Variants in GALNT14 observed in about 807,000 individuals in gnomAD.
GALNT14 encodes UDP-GalNAc:polypeptide N-acetylgalactosaminyltransferase 14.
GALNT14 carries 60 observed loss-of-function variants against 77.5 expected under a neutral mutation model. The ratio of observed to expected loss-of-function variants is 0.77; its 90% CI spans 0.63 to 0.96. GALNT14 has a LOEUF of 0.96. Among genes scored for constraint, GALNT14 ranks in the 40% least tolerant of loss-of-function variants. GALNT14 has a pLI of 0.00. For missense variants in GALNT14, 710 were observed against 731.0 expected, an observed-to-expected ratio of 0.97 and a Z score of 0.33; for synonymous variants, 280 against 281.7, an observed-to-expected ratio of 0.99 and a Z score of 0.06.
chr2:31,007,360 G>A (rs1425552412), intron 1 of GALNT14, among the ~76,000 whole-genome samples: 4 of 152,180 alleles, frequency 2.6e-5, no homozygotes, highest in Non-Finnish European at 5.9e-5. Flanking sequence ...GATTTATGAT[G>A]CACTTGCTTA....
chr2:31,138,013 CAGA>C lies in GALNT14; in HGVS notation c.71_73del (p.Phe24del), dbSNP rs1453837713. 1.2e-6 allele frequency: 2 copies of C among 1,613,714 alleles called. No individual in the cohort carries two copies. The highest frequency in any genetic ancestry group is 1.3e-5 in the African/African-American group (1 of 74,922). On this transcript the variant is annotated inframe_deletion, in exon 1 of 15. Transcript: ENST00000349752. ...CACCTCCAACTTCCTCTTGGTTACC[CAGA>C]AGAACAGCAGCACCGTGATCCAGAG...
Position 31,124,188 on chromosome 2 carries a change from A to G in GALNT14, c.129+13770T>C, listed in dbSNP as rs546336935. 2.7e-3 allele frequency among the ~76,000 whole-genome samples: 412 copies of G among 152,074 alleles called. 1 individual carries two copies. The highest frequency in any genetic ancestry group is 4.0e-3 in the Non-Finnish European group (272 of 68,022). Reference sequence around the variant, plus strand: ...ATGCTTGACAGGCACTCAAAGGGGGAAACCTCCAAGGAGTTCACCCATCTT... The same window carrying G: ...ATGCTTGACAGGCACTCAAAGGGGGGAACCTCCAAGGAGTTCACCCATCTT... On this transcript the variant is annotated intron_variant, in intron 1 of 14. Coordinates refer to ENST00000349752, the MANE Select transcript of GALNT14 (RefSeq NM_024572.4).
chr2:31,059,243 A>T (rs760642575), intron 1 of GALNT14, among the ~76,000 whole-genome samples: 6 of 152,232 alleles, frequency 3.9e-5, no homozygotes, highest in Non-Finnish European at 8.8e-5. Flanking sequence ...CCCATTTGTC[A>T]TTAATGAAAA....
At chr2:31,109,231 A>T (rs1400284229) in intron 1 of GALNT14, among the ~76,000 whole-genome samples, 5 of 152,232 alleles carry the variant, frequency 3.3e-5, no homozygotes, top group Admixed American at 6.5e-5. Context: ...AATGGCAGAG[A>T]AAATAAAATT....
chr2:30,951,885 G>T (rs1410948961), intron 6 of GALNT14, among the ~76,000 whole-genome samples: 3 of 152,170 alleles, frequency 2.0e-5, no homozygotes, highest in Non-Finnish European at 4.4e-5. Flanking sequence ...GTTCCAGGGT[G>T]CATGGTCAGC....
intron 6 of GALNT14, among the ~76,000 whole-genome samples, chr2:30,947,806 T>C (rs1227792565): frequency 6.6e-6 from 1 of 152,240 alleles, no homozygotes; most frequent in African/African-American, 2.4e-5. Flanking sequence ...GATTTTAAGT[T>C]CACAGACTTA....
chr2:31,122,458 A>G (rs1678461488), intron 1 of GALNT14, among the ~76,000 whole-genome samples: 1 of 152,234 alleles, frequency 6.6e-6, no homozygotes, highest in Non-Finnish European at 1.5e-5. Flanking sequence ...GGTCTTGTGG[A>G]GTATGATTCA....
At chr2:30,909,690 C>A (rs1664251490), downstream of GALNT14, among the ~76,000 whole-genome samples, 1 of 151,960 alleles carries the variant, frequency 6.6e-6, no homozygotes, top group East Asian at 1.9e-4. Flanking sequence ...TACCATTTGA[C>A]CCAGCCATCC....
intron 1 of GALNT14, chr2:31,078,996 A>C: frequency 7.8e-7 from 1 of 1,288,958 alleles, no homozygotes; most frequent in Non-Finnish European, 1.0e-6. Flanking sequence ...GGGGAGCTAC[A>C]GTGGGCTGCT....
At chr2:30,948,040 A>AGGATACATGGATACATAT (rs1286829314) in intron 6 of GALNT14, among the ~76,000 whole-genome samples, 1 of 152,236 alleles carries the variant, frequency 6.6e-6, no homozygotes, top group Non-Finnish European at 1.5e-5. Context: ...ATATGTCAAC[A>AGGATACATGGATACATAT]GGATACATGG....
intron 1 of GALNT14, among the ~76,000 whole-genome samples, chr2:31,014,506 G>T (rs1012778801): frequency 1.3e-5 from 2 of 152,212 alleles, no homozygotes; most frequent in African/African-American, 4.8e-5. Context: ...TTCACCTCCT[G>T]GCAGGGGCAT....
intron 1 of GALNT14, among the ~76,000 whole-genome samples, chr2:31,007,601 C>T (rs1052794935): frequency 1.7e-4 from 26 of 152,132 alleles, no homozygotes; most frequent in African/African-American, 3.9e-4. Flanking sequence ...GCCTTCTTTT[C>T]GCTTTTTCAG....
At chr2:30,989,633 AATAT>A (rs1255864479) in intron 2 of GALNT14, among the ~76,000 whole-genome samples, 7 of 127,130 alleles carry the variant, frequency 5.5e-5, no homozygotes, top group African/African-American at 1.2e-4. Flanking sequence ...TATATATAAA[AATAT>A]ATATATTAGT....
At chr2:31,064,569 T>C (rs1674812573) in intron 1 of GALNT14, among the ~76,000 whole-genome samples, 1 of 152,194 alleles carries the variant, frequency 6.6e-6, no homozygotes, top group African/African-American at 2.4e-5. Flanking sequence ...CCTTAGATTA[T>C]TCCATTTATA....
At chr2:30,970,370 A>G (rs1220881426) in intron 2 of GALNT14, among the ~76,000 whole-genome samples, 3 of 152,196 alleles carry the variant, frequency 2.0e-5, no homozygotes, top group South Asian at 2.1e-4. Flanking sequence ...CTGAGCTTCA[A>G]GACTGTTCCC....
At chr2:31,132,908 T>C (rs1679057206) in intron 1 of GALNT14, among the ~76,000 whole-genome samples, 1 of 152,074 alleles carries the variant, frequency 6.6e-6, no homozygotes, top group African/African-American at 2.4e-5. Flanking sequence ...AAACCTAAGA[T>C]TGGTGCTTGA....
In GALNT14 at chr2:31,136,340, A is replaced by G. The variant is rs115363960; in HGVS notation, c.129+1618T>C. Reference sequence around the variant, plus strand: ...CACAACGTGCTGTGTCATTCCTCTGAGCCTGTTTCATGCAGTTAACCTCTA... The same window carrying G: ...CACAACGTGCTGTGTCATTCCTCTGGGCCTGTTTCATGCAGTTAACCTCTA... On this transcript the variant is annotated intron_variant, in intron 1 of 14. Transcript: ENST00000349752. 6.7e-3 allele frequency among the ~76,000 whole-genome samples: 1,018 copies of G among 151,208 alleles called. 6 individuals carry two copies. The highest frequency in any genetic ancestry group is 0.026 in the East Asian group (136 of 5,174).
the GALNT14 span, among the ~76,000 whole-genome samples, chr2:30,905,115 A>G: frequency 6.6e-6 from 1 of 152,174 alleles, no homozygotes; most frequent in African/African-American, 2.4e-5. Context: ...TGGGGAAAAA[A>G]CAGAACAGAA....
intron 1 of GALNT14, among the ~76,000 whole-genome samples, chr2:31,033,678 C>A (rs1298327223): frequency 6.6e-6 from 1 of 152,128 alleles, no homozygotes; most frequent in Non-Finnish European, 1.5e-5. Context: ...GCATCCCTAA[C>A]CGTTTTGACT....
Sources: gnomAD v4.1 joint callset for allele counts (sites outside exome capture counted in the v4.1 genomes callset) on GRCh38, gnomAD v4.1.1 for gene constraint, MANE v1.5 for transcripts, NCBI Gene and HGNC (gene_info 2026-07-23, HGNC 2026-07-21) for gene names.